LPP: variants seen among roughly 807,000 people sequenced by gnomAD.
LPP encodes the protein LIM domain containing preferred translocation partner in lipoma, also known as lipoma-preferred partner.
Under a neutral mutation model 60.4 loss-of-function variants are expected in LPP, and 38 were observed. The ratio of observed to expected loss-of-function variants is 0.63; its 90% CI spans 0.49 to 0.83. The LOEUF is 0.83. LPP is among the 40% of genes least tolerant of loss of function. LPP has a pLI of 0.00. For missense variants in LPP, 902 were observed against 783.6 expected (o/e 1.15, Z -1.80); for synonymous variants, 328 against 290.8 (o/e 1.13, Z -1.30).
At chr3:188,534,675 GA>G (rs557752203) in intron 6 of LPP, among the ~76,000 whole-genome samples, 1 of 152,268 alleles carries the variant, frequency 6.6e-6, no homozygotes, top group South Asian at 2.1e-4. Context: ...TGTTTTAAGA[GA>G]AAAAGCCGTG....
chr3:188,355,362 T>A (rs1382276305), intron 3 of LPP, among the ~76,000 whole-genome samples: 1 of 152,156 alleles, frequency 6.6e-6, no homozygotes, highest in East Asian at 1.9e-4. Context: ...AACTCAGGTG[T>A]AGTAAGGTAA....
At chr3:188,864,161 A>G (rs1345217421) in intron 9 of LPP, among the ~76,000 whole-genome samples, 1 of 152,184 alleles carries the variant, frequency 6.6e-6, no homozygotes, top group Non-Finnish European at 1.5e-5. Context: ...CAAATAGGTT[A>G]ATAGTTTCCA....
At chr3:188,450,360 T>G (rs1796298138) in intron 4 of LPP, among the ~76,000 whole-genome samples, 2 of 152,216 alleles carry the variant, frequency 1.3e-5, no homozygotes, top group African/African-American at 4.8e-5. Flanking sequence ...ACCCTGCCCA[T>G]AGATTAGGAA....
intron 9 of LPP, among the ~76,000 whole-genome samples, chr3:188,836,833 G>T (rs775775848): frequency 1.3e-5 from 2 of 152,096 alleles, no homozygotes; most frequent in Non-Finnish European, 2.9e-5. Context: ...CGGGTTTCAT[G>T]GTCATGCTTG....
chr3:188,590,060 A>G (rs1016603355), intron 6 of LPP, among the ~76,000 whole-genome samples: 1 of 152,192 alleles, frequency 6.6e-6, no homozygotes, highest in Admixed American at 6.5e-5. Context: ...GCACTGCTGA[A>G]TGACAGCTCA....
chr3:188,789,610 C>T (rs1488183256), intron 9 of LPP, among the ~76,000 whole-genome samples: 1 of 150,708 alleles, frequency 6.6e-6, no homozygotes, highest in Non-Finnish European at 1.5e-5. Flanking sequence ...TGCTTGCAAA[C>T]CCATTTTCTC....
intron 4 of LPP, among the ~76,000 whole-genome samples, chr3:188,472,157 C>T (rs953218206): frequency 6.6e-6 from 1 of 152,028 alleles, no homozygotes; most frequent in Non-Finnish European, 1.5e-5. Flanking sequence ...AATAATTAAC[C>T]CCAAATAAAA....
At chr3:188,253,230 C>G (rs1430836711) in intron 2 of LPP, among the ~76,000 whole-genome samples, 1 of 151,958 alleles carries the variant, frequency 6.6e-6, no homozygotes, top group Non-Finnish European at 1.5e-5. Flanking sequence ...GTTTTATTTT[C>G]TTTTCAGTCA....
intron 6 of LPP, among the ~76,000 whole-genome samples, chr3:188,554,476 A>G (rs1396281077): frequency 6.6e-6 from 1 of 152,164 alleles, no homozygotes; most frequent in Non-Finnish European, 1.5e-5. Flanking sequence ...GCGTTCTTTT[A>G]TTTAGATGGA....
chr3:188,475,927 G>T (rs1234649458), intron 4 of LPP, among the ~76,000 whole-genome samples: 1 of 151,862 alleles, frequency 6.6e-6, no homozygotes, highest in Non-Finnish European at 1.5e-5. Flanking sequence ...AAACAAAAAA[G>T]ATATGAAAAA....
rs1773442089 is a variant in LPP, at chr3:188,372,096, A to G, written c.-10+30377A>G. Among the ~76,000 whole-genome samples, 14 of 151,922 alleles carry G rather than the reference A, an allele frequency of 9.2e-5. 2 individuals are homozygous for G. The South Asian group carries it at 2.7e-3, about 29-fold the overall frequency. Reference sequence around the variant, plus strand: ...GGCATGGGAGAGTGAGCTTAGACAGAGATGCCTCTCATATAAGGTAGAAAG... The same window carrying G: ...GGCATGGGAGAGTGAGCTTAGACAGGGATGCCTCTCATATAAGGTAGAAAG... On this transcript the variant is annotated intron_variant, in intron 3 of 11. Coordinates refer to ENST00000617246, the MANE Select transcript of LPP (RefSeq NM_001375462.1).
At position 188,885,509 on chromosome 3, in the gene LPP, G is replaced by A. The variant is rs1374607692; in HGVS notation, c.*11030G>A. ...AGTGCCTCACCTCCATGGTGTATAT[G>A]TGCCACCTTTTCTTAATCCAGTCTA... On this transcript the variant is annotated 3_prime_UTR_variant, in exon 12 of 12. Coordinates refer to ENST00000617246, the MANE Select transcript of LPP (RefSeq NM_001375462.1). 1 of 181,334 alleles carries A rather than the reference G, an allele frequency of 5.5e-6. No homozygotes were observed. Among genetic ancestry groups the A allele is most frequent in the Non-Finnish European group, 1.2e-5 (1 of 84,962 alleles). The allele number at this position is 181,334 out of a possible 1,614,324, so 11.2% of individuals were successfully genotyped here.
intron 9 of LPP, among the ~76,000 whole-genome samples, chr3:188,802,534 G>A (rs1434526787): frequency 2.0e-5 from 3 of 152,178 alleles, no homozygotes; most frequent in Non-Finnish European, 4.4e-5. Context: ...TGTAATCCCA[G>A]GACTTCGTGA....
At chr3:188,387,330 C>A (rs1289264713) in intron 3 of LPP, among the ~76,000 whole-genome samples, 1 of 151,890 alleles carries the variant, frequency 6.6e-6, no homozygotes, top group Non-Finnish European at 1.5e-5. Context: ...CATAAATTAC[C>A]CATCATGCTG....
In LPP at chr3:188,154,223, C is replaced by T. The variant is rs1577013954; in HGVS notation, c.-219C>T. Among the ~76,000 whole-genome samples the T allele has an allele frequency of 6.6e-6, 1 of 152,014 alleles. No homozygotes were observed. Among genetic ancestry groups the T allele is most frequent in the South Asian group, 2.1e-4 (1 of 4,836 alleles). On this transcript the variant is annotated 5_prime_UTR_variant, in exon 1 of 12. Coordinates refer to ENST00000617246, the MANE Select transcript of LPP (RefSeq NM_001375462.1). ...CCGCCGCCGCCGCCGCCACCACCACCGCCGCTGCCCCGGCTGCCTCCTCCC... is the reference window on the plus strand; with the variant it reads ...CCGCCGCCGCCGCCGCCACCACCACTGCCGCTGCCCCGGCTGCCTCCTCCC...
intron 9 of LPP, among the ~76,000 whole-genome samples, chr3:188,768,275 G>A (rs944109681): frequency 1.3e-5 from 2 of 152,036 alleles, no homozygotes; most frequent in African/African-American, 4.8e-5. Flanking sequence ...AGCAAAAAAC[G>A]AGATGCTTAC....
At position 188,609,973 on chromosome 3, in the gene LPP, G is replaced by C; in HGVS notation, c.1113+129G>C. ...TTTCACTGACAAATACAATCCCAGG[G>C]AAGGATGAGTGAAGCCAGAGAGGAG... is the stretch of plus-strand genomic sequence containing the variant. On this transcript the variant is annotated intron_variant, in intron 7 of 11. Transcript: ENST00000617246. The surrounding 1 kb of genome is among the most constrained non-coding windows in gnomAD (Gnocchi z 6.9). 1.1e-6 allele frequency: 1 copy of C among 898,956 alleles called. No individual in the cohort carries two copies. The highest frequency in any genetic ancestry group is 1.7e-6 in the Non-Finnish European group (1 of 602,580). 55.7% of individuals were successfully genotyped at this position (898,956 alleles called of 1,614,324 possible).
intron 4 of LPP, among the ~76,000 whole-genome samples, chr3:188,452,480 A>C (rs1796821165): frequency 6.6e-6 from 1 of 152,168 alleles, no homozygotes; most frequent in African/African-American, 2.4e-5. Context: ...CAATTCCTTA[A>C]GAATTTATTA....
In LPP at chr3:188,878,834, A is replaced by T; in HGVS notation, c.*4355A>T. ...TTTCATCTTAATATATTCTAGTAGT[A>T]TTTATTTTTTCCTTGTCTTGGAAGT... On this transcript the variant is annotated 3_prime_UTR_variant, in exon 12 of 12. Transcript: ENST00000617246. 1 of 204,188 alleles carries T rather than the reference A, an allele frequency of 4.9e-6. No individual in the cohort carries two copies. The allele number at this position is 204,188 out of a possible 1,614,324, so 12.6% of individuals were successfully genotyped here. A position where few individuals can be genotyped will look rare whatever the true frequency, so the allele number is the denominator to read the frequency against.
Sources: allele counts gnomAD v4.1 joint callset (sites outside exome capture counted in the v4.1 genomes callset), GRCh38; gene constraint gnomAD v4.1.1; non-coding constraint Gnocchi (gnomAD v3.1); transcripts MANE v1.5; gene names NCBI Gene and HGNC (gene_info 2026-07-23, HGNC 2026-07-21).